Variants in ARHGEF37 observed in about 807,000 individuals in gnomAD.
ARHGEF37 encodes the protein Rho guanine nucleotide exchange factor (GEF) 37.
A neutral mutation model predicts 71.1 loss-of-function variants in ARHGEF37; 55 were observed. The ratio of observed to expected loss-of-function variants is 0.77; its 90% CI spans 0.62 to 0.97. The LOEUF (loss-of-function observed/expected upper bound fraction) is 0.97. Ranked by LOEUF, ARHGEF37 falls within the 50% of genes least tolerant of loss-of-function variation. The probability of loss-of-function intolerance (pLI) is 0.00; values close to 1 mark genes in which losing one functional copy is unlikely to be tolerated. For synonymous variants in ARHGEF37, 327 were observed against 350.6 expected (o/e 0.93, Z 0.75); for missense variants, 765 against 836.8 (o/e 0.91, Z 1.06).
chr5:149,582,772 G>A (rs980926969), intron 1 of ARHGEF37, among the ~76,000 whole-genome samples: 7 of 151,318 alleles, frequency 4.6e-5, no homozygotes, highest in African/African-American at 1.7e-4. Context: ...CATCTATTAT[G>A]TACACAGTTT....
intron 1 of ARHGEF37, among the ~76,000 whole-genome samples, chr5:149,590,946 C>G (rs866609464): frequency 2.0e-5 from 3 of 152,210 alleles, no homozygotes; most frequent in African/African-American, 7.2e-5. Context: ...ATAGAACAAT[C>G]AAACACAAAC....
intron 12 of ARHGEF37, 94 bp from the exon 13 acceptor site, chr5:149,631,888 C>T: frequency 7.6e-7 from 1 of 1,312,856 alleles, no homozygotes; most frequent in Non-Finnish European, 1.1e-6. Context: ...GGACGAGAGC[C>T]AGGTGGATGG....
Position 149,597,942 on chromosome 5 carries a change from G to T in ARHGEF37, c.173G>T (p.Ser58Ile). 1 of 1,591,058 alleles carries T rather than the reference G, an allele frequency of 6.3e-7. No individual in the cohort carries two copies. The highest frequency in any genetic ancestry group is 8.5e-7 in the Non-Finnish European group (1 of 1,169,754). The change falls in exon 2 of 13, where the codon AGC (serine) becomes ATC (isoleucine). Residue 58 changes from serine to isoleucine, a missense_variant. By Grantham distance (142) the Ser-to-Ile change is moderately radical. Around this residue, in one of 5 missense-constraint regions of ARHGEF37, gnomAD observed 201 missense variants for 217.5 expected, o/e 0.92. Transcript: ENST00000333677. Reference protein sequence around the residue: ...MLQLCASDIRSRLQQLPQGDL... With the variant: ...MLQLCASDIRIRLQQLPQGDL... ...CAGCTCTGTGCCTCTGACATCAGGA[G>T]CCGCCTCCAGCAGGTACTTGGGTGG...
chr5:149,563,555 G>A (rs1580880893), intron 1 of ARHGEF37, among the ~76,000 whole-genome samples: 1 of 152,298 alleles, frequency 6.6e-6, no homozygotes, highest in Non-Finnish European at 1.5e-5. Flanking sequence ...TAGGATATGT[G>A]AGAGCACTTT....
rs1430812318 is a variant in ARHGEF37, at chr5:149,609,545, C to G, written c.311-3C>G. ...CGACCCCTTGTTGCGTCTTCACTCT[C>G]AGGTAACATATTTCTGGAATTCCAA... On this transcript the variant is annotated splice_region_variant and splice_polypyrimidine_tract_variant and intron_variant, in intron 3 of 12. Coordinates refer to ENST00000333677, the MANE Select transcript of ARHGEF37 (RefSeq NM_001001669.3). The G allele has an allele frequency of 6.2e-7, 1 of 1,613,968 alleles. No individual in the cohort carries two copies. The highest frequency in any genetic ancestry group is 1.1e-5 in the South Asian group (1 of 91,042).
intron 1 of ARHGEF37, among the ~76,000 whole-genome samples, chr5:149,585,842 T>A (rs1763221707): frequency 6.6e-6 from 1 of 152,214 alleles, no homozygotes; most frequent in Non-Finnish European, 1.5e-5. Flanking sequence ...TTACATAAAA[T>A]TCAAAGGGAG....
intron 1 of ARHGEF37, among the ~76,000 whole-genome samples, chr5:149,592,238 T>A (rs56822099): frequency 0.29 from 44,407 of 152,112 alleles, 6,955 homozygotes; most frequent in Admixed American, 0.44. Flanking sequence ...TACAGAATAT[T>A]CTGTTGTAGA....
chr5:149,555,928 A>G (rs1762748420), intron 1 of ARHGEF37, among the ~76,000 whole-genome samples: 1 of 152,102 alleles, frequency 6.6e-6, no homozygotes, highest in Admixed American at 6.6e-5. Flanking sequence ...GTTCAAGACC[A>G]GCCTGAGCAA....
At chr5:149,569,404 C>CT (rs1453592283) in intron 1 of ARHGEF37, among the ~76,000 whole-genome samples, 1 of 152,200 alleles carries the variant, frequency 6.6e-6, no homozygotes, top group South Asian at 2.1e-4. Flanking sequence ...ACTGCAACCT[C>CT]TGCCTCCCAG....
At chr5:149,553,209 G>C (rs1429016767) in intron 1 of ARHGEF37, among the ~76,000 whole-genome samples, 3 of 152,110 alleles carry the variant, frequency 2.0e-5, no homozygotes, top group Non-Finnish European at 4.4e-5. Context: ...GACCATTCTG[G>C]CCAACGTGGT....
intron 1 of ARHGEF37, among the ~76,000 whole-genome samples, chr5:149,576,469 G>A (rs921978): frequency 0.24 from 37,201 of 152,068 alleles, 5,208 homozygotes; most frequent in African/African-American, 0.37. Context: ...CTAGCAGAAT[G>A]CCTGGCTTAT....
chr5:149,557,174 C>T (rs1160689159), intron 1 of ARHGEF37, among the ~76,000 whole-genome samples: 2 of 152,148 alleles, frequency 1.3e-5, no homozygotes, highest in African/African-American at 4.8e-5. Flanking sequence ...TTAATAGGGA[C>T]TTCGAACAGA....
intron 7 of ARHGEF37, 70 bp from the exon 8 acceptor site, chr5:149,620,284 G>A: frequency 8.6e-7 from 1 of 1,160,582 alleles, no homozygotes; most frequent in East Asian, 2.4e-5. Context: ...AAGGTATGGT[G>A]GAAGGGGATT....
chr5:149,605,463 C>T (rs1459935494), intron 3 of ARHGEF37, among the ~76,000 whole-genome samples: 1 of 152,140 alleles, frequency 6.6e-6, no homozygotes, highest in Non-Finnish European at 1.5e-5. Context: ...TTTACACTGA[C>T]AGCACATCGC....
intron 1 of ARHGEF37, among the ~76,000 whole-genome samples, chr5:149,583,365 GAGCTCAGGCAATTGCCT>G (rs1283939427): frequency 6.6e-5 from 10 of 152,198 alleles, no homozygotes; most frequent in Non-Finnish European, 1.2e-4. Flanking sequence ...GCAAACTCCT[GAGCTCAGGCAATTGCCT>G]ACCTCGGCCT....
At chr5:149,603,282 C>T (rs765435049) in intron 3 of ARHGEF37, among the ~76,000 whole-genome samples, 77 of 152,144 alleles carry the variant, frequency 5.1e-4, no homozygotes, top group Non-Finnish European at 7.8e-4. Context: ...GTTTACAAAA[C>T]GCTAAGCACT....
In ARHGEF37 at chr5:149,634,531, T is replaced by C. The variant is rs553891877; in HGVS notation, c.*2340T>C. 2.6e-5 allele frequency: 4 copies of C among 152,792 alleles called. No individual in the cohort carries two copies. In the South Asian group the frequency reaches 8.3e-4, roughly 32 times the overall value. 9.5% of individuals were successfully genotyped at this position (152,792 alleles called of 1,614,324 possible). The stretch of plus-strand genomic sequence containing the variant: ...AATGTATTCAGTAGCACGTGGGTTA[T>C]GGTTTCTCATAGACCAGGGGATAAG... On this transcript the variant is annotated 3_prime_UTR_variant, in exon 13 of 13. Transcript: ENST00000333677.
chr5:149,609,815 C>CAACA, intron 4 of ARHGEF37, 120 bp downstream of exon 4: 1 of 1,394,738 alleles, frequency 7.2e-7, no homozygotes, highest in Non-Finnish European at 9.7e-7. Flanking sequence ...TCTGTCAGAG[C>CAACA]CTGTGTTAGT....
chr5:149,594,813 T>C (rs1763501698), intron 1 of ARHGEF37, among the ~76,000 whole-genome samples: 1 of 152,226 alleles, frequency 6.6e-6, no homozygotes, highest in Non-Finnish European at 1.5e-5. Context: ...CCTCCTAGCT[T>C]TGTTTAATTT....
Sources: allele counts gnomAD v4.1 joint callset (sites outside exome capture counted in the v4.1 genomes callset), GRCh38; gene constraint gnomAD v4.1.1; regional missense constraint gnomAD v4.1.1; transcripts MANE v1.5; gene names NCBI Gene and HGNC (gene_info 2026-07-23, HGNC 2026-07-21).